Variants in MINDY2 observed in about 807,000 individuals in gnomAD.
MINDY2 encodes MINDY lysine 48 deubiquitinase 2.
MINDY2 carries 52 observed loss-of-function variants against 68.2 expected under a neutral mutation model. The ratio of observed to expected loss-of-function variants is 0.76; its 90% CI spans 0.61 to 0.96. The LOEUF is 0.96. Ranked by LOEUF, MINDY2 falls within the 40% of genes least tolerant of loss-of-function variation. The probability of loss-of-function intolerance (pLI) is 0.00; values close to 1 mark genes in which losing one functional copy is unlikely to be tolerated. For missense variants in MINDY2, 881 were observed against 773.4 expected, an observed-to-expected ratio of 1.14 and a Z score of -1.65; for synonymous variants, 372 against 303.0, an observed-to-expected ratio of 1.23 and a Z score of -2.36.
chr15:58,795,973 G>C (rs1902256038), intron 2 of MINDY2: 1 of 388,648 alleles, frequency 2.6e-6, no homozygotes, highest in Non-Finnish European at 5.2e-6. Flanking sequence ...AAAGGAGAAA[G>C]GGTATTGAAT....
chr15:58,793,203 C>A (rs1902054907), intron 2 of MINDY2, among the ~76,000 whole-genome samples: 1 of 152,176 alleles, frequency 6.6e-6, no homozygotes, highest in African/African-American at 2.4e-5. Context: ...GTAATCCCAG[C>A]ACTTTGGGTG....
intron 5 of MINDY2, among the ~76,000 whole-genome samples, chr15:58,824,355 C>A (rs1251213146): frequency 2.6e-5 from 4 of 152,082 alleles, no homozygotes; most frequent in African/African-American, 9.7e-5. Context: ...GAAAGAAACC[C>A]TCTAAAATGG....
In MINDY2 at chr15:58,810,323, C is replaced by G. The variant is rs375793771; in HGVS notation, c.1057C>G (p.Pro353Ala). The stretch of plus-strand genomic sequence containing the variant: ...TGGTGTTCGAGTGTTTGAATATACA[C>G]CAGAATGCATAGTATTTGATCTTCT... ...FTGVRVFEYT[P>A]ECIVFDLLDI... Residue 353 changes from proline (P) to alanine (A), a missense_variant, in exon 4 of 9, where the codon CCA becomes GCA. Transcript: ENST00000559228. The G allele has an allele frequency of 5.0e-6, 8 of 1,613,658 alleles. No homozygotes were observed. Among genetic ancestry groups the G allele is most frequent in the Non-Finnish European group, 6.8e-6 (8 of 1,179,818 alleles).
At chr15:58,791,059 A>G (rs1053451547) in intron 2 of MINDY2, among the ~76,000 whole-genome samples, 7 of 150,730 alleles carry the variant, frequency 4.6e-5, no homozygotes, top group East Asian at 3.9e-4. Flanking sequence ...GGGCACGTGT[A>G]GTCCCAACTA....
Position 58,858,679 on chromosome 15 carries a change from A to G in MINDY2, c.*4069A>G, listed in dbSNP as rs1350999009. The G allele has an allele frequency of 6.6e-6, 1 of 152,158 alleles. No homozygotes were observed. Among genetic ancestry groups the G allele is most frequent in the Admixed American group, 6.5e-5 (1 of 15,286 alleles). 9.4% of individuals were successfully genotyped at this position (152,158 alleles called of 1,614,324 possible). ...TGATTACATTTGATTAACTTTTCCT[A>G]TTCCATGCACAAGTTACCTTAAAAC... is the stretch of plus-strand genomic sequence containing the variant. On this transcript the variant is annotated 3_prime_UTR_variant, in exon 9 of 9. Coordinates refer to ENST00000559228, the MANE Select transcript of MINDY2 (RefSeq NM_001040450.3).
In MINDY2 at chr15:58,787,863, C is replaced by A. The variant is rs1901613773; in HGVS notation, c.841-43C>A. ...CTGACTGCAAGAAATACTTTAGTCA[C>A]CTAAAACATTTAATTTTATAGAAAT... is the stretch of plus-strand genomic sequence containing the variant. On this transcript the variant is annotated intron_variant, in intron 1 of 8. Transcript: ENST00000559228. 4 of 1,377,660 alleles carry A rather than the reference C, an allele frequency of 2.9e-6. No individual in the cohort carries two copies. The African/African-American group carries it at 5.8e-5, about 20-fold the overall frequency. The allele number at this position is 1,377,660 out of a possible 1,614,324, so 85.3% of individuals were successfully genotyped here. A position where few individuals can be genotyped will look rare whatever the true frequency, so the allele number is the denominator to read the frequency against.
chr15:58,844,580 AAAT>A (rs1232695813), intron 6 of MINDY2, among the ~76,000 whole-genome samples: 1 of 148,556 alleles, frequency 6.7e-6, no homozygotes, highest in Non-Finnish European at 1.5e-5. Context: ...AAAAAAAAAA[AAAT>A]CTGCATTGTT....
chr15:58,806,913 C>T (rs1458818498), intron 3 of MINDY2, among the ~76,000 whole-genome samples: 1 of 152,188 alleles, frequency 6.6e-6, no homozygotes, highest in Non-Finnish European at 1.5e-5. Context: ...AGAGATGAAA[C>T]TGACAAAGGT....
At chr15:58,810,929 G>C (rs1222907568) in intron 4 of MINDY2, among the ~76,000 whole-genome samples, 1 of 152,146 alleles carries the variant, frequency 6.6e-6, no homozygotes, top group Non-Finnish European at 1.5e-5. Flanking sequence ...CCCACCTTCA[G>C]TGTTCAGATT....
intron 1 of MINDY2, among the ~76,000 whole-genome samples, chr15:58,787,554 G>A (rs962576008): frequency 2.6e-5 from 4 of 151,902 alleles, no homozygotes; most frequent in Admixed American, 1.3e-4. Flanking sequence ...TGGCTAACAG[G>A]TAGAACCTCC....
In MINDY2 at chr15:58,859,178, T is replaced by C. The variant is rs1255527994; in HGVS notation, c.*4568T>C. The C allele has an allele frequency of 6.6e-6, 1 of 152,124 alleles. No individual in the cohort carries two copies. Among genetic ancestry groups the C allele is most frequent in the Non-Finnish European group, 1.5e-5 (1 of 67,976 alleles). 9.4% of individuals were successfully genotyped at this position (152,124 alleles called of 1,614,324 possible). A position where few individuals can be genotyped will look rare whatever the true frequency, so the allele number is the denominator to read the frequency against. ...ATTTTACAGTTTTTTGTGTGTTCTA[T>C]AGACTATAGAGTCAAAATCAAGAGT... On this transcript the variant is annotated 3_prime_UTR_variant, in exon 9 of 9. Coordinates refer to ENST00000559228, the MANE Select transcript of MINDY2 (RefSeq NM_001040450.3).
intron 1 of MINDY2, among the ~76,000 whole-genome samples, chr15:58,775,005 A>G (rs1295713122): frequency 2.0e-5 from 3 of 152,168 alleles, no homozygotes; most frequent in Admixed American, 1.3e-4. Context: ...TGATGAAGAG[A>G]TGGATAAGCG....
chr15:58,773,805 A>G (rs1327481291), intron 1 of MINDY2, among the ~76,000 whole-genome samples: 2 of 152,184 alleles, frequency 1.3e-5, no homozygotes, highest in African/African-American at 2.4e-5. Context: ...AGAGAAGAGT[A>G]TAAACCAAAG....
Position 58,810,301 on chromosome 15 carries a change from T to C in MINDY2, c.1035T>C (p.Gly345=), listed in dbSNP as rs749629010. The change falls in exon 4 of 9, where the codon GGT becomes GGC. Residue 345 remains glycine, a synonymous_variant. Transcript: ENST00000559228. ...TGLDVNVRFT[G]VRVFEYTPEC... The stretch of plus-strand genomic sequence containing the variant: ...TGGATGTAAATGTAAGATTCACTGG[T>C]GTTCGAGTGTTTGAATATACACCAG... 3.1e-6 allele frequency: 5 copies of C among 1,613,996 alleles called. No individual in the cohort carries two copies. In the East Asian group the frequency reaches 8.9e-5, roughly 29 times the overall value.
rs2030729018 is a variant in MINDY2 at position 58,816,981 on chromosome 15, A to G, written c.1123-4736A>G. On this transcript the variant is annotated intron_variant, in intron 4 of 8. Coordinates refer to ENST00000559228, the MANE Select transcript of MINDY2 (RefSeq NM_001040450.3). ...CCTGGCTCTACAAACATGGAGGGGGAAAAAAAAGTTTAACTATAAAAAATA... is the reference window on the plus strand; with the variant it reads ...CCTGGCTCTACAAACATGGAGGGGGGAAAAAAAGTTTAACTATAAAAAATA... Among the ~76,000 whole-genome samples, 8 of 145,764 alleles carry G rather than the reference A, an allele frequency of 5.5e-5. No homozygotes were observed. The South Asian group carries it at 1.2e-3, about 23-fold the overall frequency.
At chr15:58,782,148 G>C (rs139080301) in intron 1 of MINDY2, among the ~76,000 whole-genome samples, 60 of 151,924 alleles carry the variant, frequency 3.9e-4, no homozygotes, top group Non-Finnish European at 5.3e-4. Flanking sequence ...TGAAAAAAGC[G>C]GGTAAAGCTT....
rs565786025 is a variant in MINDY2 at position 58,831,041 on chromosome 15, G to GTGTA, written c.1226-732_1226-731insGTAT. Among the ~76,000 whole-genome samples the GTGTA allele has an allele frequency of 4.9e-4, 61 of 124,922 alleles. 1 individual carries two copies. Among genetic ancestry groups the GTGTA allele is most frequent in the African/African-American group, 1.7e-3 (51 of 29,208 alleles). The allele number at this position is 124,922 out of a possible 152,430, so 82.0% of individuals were successfully genotyped here. ...TGTGTGTGTGTGTGTGTGTGTGTGT[G>GTGTA]TATATATATATATATATATGTTTTA... is the stretch of plus-strand genomic sequence containing the variant. On this transcript the variant is annotated intron_variant, in intron 5 of 8. Transcript: ENST00000559228.
chr15:58,814,880 C>CG (rs2030574040), intron 4 of MINDY2, among the ~76,000 whole-genome samples: 1 of 150,100 alleles, frequency 6.7e-6, no homozygotes, highest in Admixed American at 6.7e-5. Flanking sequence ...TGGCCTCAAG[C>CG]AGTCTTCCCA....
chr15:58,810,090 A>G (rs1250455850), intron 3 of MINDY2, 140 bp from the exon 4 acceptor site: 7 of 743,056 alleles, frequency 9.4e-6, no homozygotes, highest in Non-Finnish European at 1.3e-5. Flanking sequence ...CACATAGTAG[A>G]TACTCAATAA....
Sources: allele counts gnomAD v4.1 joint callset (sites outside exome capture counted in the v4.1 genomes callset), GRCh38; gene constraint gnomAD v4.1.1; transcripts MANE v1.5; gene names NCBI Gene and HGNC (gene_info 2026-07-23, HGNC 2026-07-21).